CIB4: variants seen among roughly 807,000 people sequenced by gnomAD.
CIB4 encodes calcium and integrin binding family member 4, also known as calcium and integrin-binding family member 4.
In CIB4, 25 loss-of-function variants were observed where a neutral mutation model predicts 25.8. The observed-to-expected ratio is 0.97, with a 90% confidence interval of 0.71 to 1.35. The LOEUF is 1.35. Ranked by LOEUF, CIB4 falls within the 40% of genes most tolerant of loss-of-function variation. The pLI is 0.00. For synonymous variants in CIB4, 75 were observed against 81.4 expected (o/e 0.92, Z 0.42); for missense variants, 235 against 228.2 (o/e 1.03, Z -0.19).
At chr2:26,595,895 GCGCACACACACA>G (rs1388955764) in intron 3 of CIB4, among the ~76,000 whole-genome samples, 3,140 of 148,502 alleles carry the variant, frequency 0.021, 47 homozygotes, top group African/African-American at 0.04. Context: ...ACTTATCTGC[GCGCACACACACA>G]CACACACACA....
chr2:26,622,031 G>A (rs1669212399), intron 3 of CIB4, among the ~76,000 whole-genome samples: 1 of 152,210 alleles, frequency 6.6e-6, no homozygotes, highest in African/African-American at 2.4e-5. Context: ...CTTATTTCAT[G>A]ACTCAGCTCT....
chr2:26,597,291 G>A (rs1668698711), intron 3 of CIB4, among the ~76,000 whole-genome samples: 1 of 152,104 alleles, frequency 6.6e-6, no homozygotes, highest in African/African-American at 2.4e-5. Flanking sequence ...ACTGATGTAA[G>A]GGAAGACAGA....
At chr2:26,596,180 C>T (rs577638255) in intron 3 of CIB4, among the ~76,000 whole-genome samples, 8 of 152,176 alleles carry the variant, frequency 5.3e-5, no homozygotes, top group African/African-American at 1.7e-4. Flanking sequence ...CTGCAAGCCA[C>T]GAAAGGAAAC....
In CIB4 at chr2:26,592,402, TG is replaced by T. The variant is rs1054094762; in HGVS notation, c.328+2773del. Among the ~76,000 whole-genome samples the T allele has an allele frequency of 5.3e-5, 8 of 152,348 alleles. No individual in the cohort carries two copies. The East Asian group carries it at 1.5e-3, about 29-fold the overall frequency. On this transcript the variant is annotated intron_variant, in intron 4 of 6. Transcript: ENST00000288861. ...TGGTAAGGAAGGGGGAACGCTGGTGTGGACAGGTGGGGCCCATGAAGCCAAC... is the reference window on the plus strand; with the variant it reads ...TGGTAAGGAAGGGGGAACGCTGGTGTGACAGGTGGGGCCCATGAAGCCAAC...
intron 2 of CIB4, among the ~76,000 whole-genome samples, chr2:26,632,100 C>T (rs938400978): frequency 5.9e-5 from 9 of 152,216 alleles, no homozygotes; most frequent in Non-Finnish European, 2.9e-5. Flanking sequence ...CTACGAGACC[C>T]AAGGCAAACT....
At chr2:26,621,269 A>AC (rs1248693662) in intron 3 of CIB4, among the ~76,000 whole-genome samples, 2 of 148,538 alleles carry the variant, frequency 1.3e-5, no homozygotes, top group Non-Finnish European at 3.0e-5. Flanking sequence ...AAAAAAAAAA[A>AC]AACAGGGAAT....
chr2:26,615,450 G>A (rs1662976), intron 3 of CIB4, among the ~76,000 whole-genome samples: 102,212 of 152,036 alleles, frequency 0.67, 34,531 homozygotes, highest in Admixed American at 0.73. Flanking sequence ...CACCCCTGGC[G>A]TGAGATTAGA....
intron 3 of CIB4, among the ~76,000 whole-genome samples, chr2:26,617,120 A>ATATGTGTGTGTGTGTGTGTGTG (rs146713738): frequency 5.1e-5 from 7 of 137,724 alleles, no homozygotes; most frequent in African/African-American, 1.7e-4. Flanking sequence ...AGAGCATGGA[A>ATATGTGTGTGTGTGTGTGTGTG]TGTGTGTGTG....
chr2:26,603,812 A>G (rs1668838137), intron 3 of CIB4, among the ~76,000 whole-genome samples: 1 of 149,512 alleles, frequency 6.7e-6, no homozygotes, highest in Admixed American at 6.6e-5. Flanking sequence ...AGCCTGGGCA[A>G]CATGGCAAAA....
At chr2:26,585,244 G>C (rs1234974788) in intron 4 of CIB4, among the ~76,000 whole-genome samples, 1 of 151,390 alleles carries the variant, frequency 6.6e-6, no homozygotes, top group African/African-American at 2.5e-5. Context: ...TGGGGAGCCA[G>C]GGACGGCGGC....
At chr2:26,613,587 A>T (rs1379494708) in intron 3 of CIB4, among the ~76,000 whole-genome samples, 3 of 151,650 alleles carry the variant, frequency 2.0e-5, no homozygotes, top group Non-Finnish European at 4.4e-5. Context: ...CTTCGTAAAA[A>T]CCCTCTGAAG....
At chr2:26,640,588 G>A in intron 1 of CIB4, 21 bp from the exon 2 acceptor site, 1 of 1,609,876 alleles carries the variant, frequency 6.2e-7, no homozygotes, top group South Asian at 1.1e-5. Context: ...TCACAGAGAA[G>A]CGACGTGTCC....
At chr2:26,591,659 G>C (rs1250841191) in intron 4 of CIB4, among the ~76,000 whole-genome samples, 1 of 152,214 alleles carries the variant, frequency 6.6e-6, no homozygotes, top group Non-Finnish European at 1.5e-5. Context: ...ACTGTGACTT[G>C]CTTGTAACCA....
At chr2:26,605,918 T>G (rs1668880575) in intron 3 of CIB4, among the ~76,000 whole-genome samples, 1 of 152,198 alleles carries the variant, frequency 6.6e-6, no homozygotes, top group South Asian at 2.1e-4. Context: ...ATTAACTGTT[T>G]CCCAAGAAAA....
chr2:26,617,590 G>A (rs1160986043), intron 3 of CIB4, among the ~76,000 whole-genome samples: 1 of 152,306 alleles, frequency 6.6e-6, no homozygotes. Context: ...TTGGAGAGTG[G>A]AATTGCTGTA....
chr2:26,582,512 G>A (rs57670561), intron 6 of CIB4, among the ~76,000 whole-genome samples: 2,448 of 152,288 alleles, frequency 0.016, 78 homozygotes, highest in African/African-American at 0.054. Flanking sequence ...CAGTGGGGTC[G>A]TCAGGAGCCT....
At chr2:26,582,480 C>T (rs916720162) in intron 6 of CIB4, among the ~76,000 whole-genome samples, 1 of 152,212 alleles carries the variant, frequency 6.6e-6, no homozygotes, top group Non-Finnish European at 1.5e-5. Context: ...TAAACCCCTA[C>T]CTCCCAGTTG....
At chr2:26,637,807 G>T (rs1264430236) in intron 2 of CIB4, among the ~76,000 whole-genome samples, 2 of 152,088 alleles carry the variant, frequency 1.3e-5, no homozygotes, top group African/African-American at 4.8e-5. Context: ...TGGTCTCCTG[G>T]GTCTGGAGAC....
intron 4 of CIB4, among the ~76,000 whole-genome samples, chr2:26,590,258 T>TAAAAAAAAAAA (rs869097756): frequency 4.9e-5 from 3 of 61,830 alleles, no homozygotes; most frequent in African/African-American, 2.2e-4. Context: ...CAAGCATCTG[T>TAAAAAAAAAAA]AAAAAAAAAA....
Sources: gnomAD v4.1 joint callset for allele counts (sites outside exome capture counted in the v4.1 genomes callset) on GRCh38, gnomAD v4.1.1 for gene constraint, MANE v1.5 for transcripts, NCBI Gene and HGNC (gene_info 2026-07-23, HGNC 2026-07-21) for gene names.